PDE4B: variants seen among roughly 807,000 people sequenced by gnomAD.
PDE4B encodes 3',5'-cyclic-AMP phosphodiesterase 4B.
PDE4B carries 20 observed loss-of-function variants against 82.2 expected under a neutral mutation model. That is an observed-to-expected ratio of 0.24 (90% CI 0.17 to 0.35). The LOEUF (loss-of-function observed/expected upper bound fraction) is 0.35, where lower values mean the gene tolerates loss of function less well. Ranked by LOEUF, PDE4B falls within the 10% of genes least tolerant of loss-of-function variation. The pLI is 1.00. For missense variants in PDE4B, 655 were observed against 907.2 expected (o/e 0.72, Z 3.57); for synonymous variants, 320 against 318.9 (o/e 1.00, Z -0.04).
chr1:66,128,395 G>T (rs1002215966), intron 3 of PDE4B, among the ~76,000 whole-genome samples: 1 of 152,172 alleles, frequency 6.6e-6, no homozygotes, highest in Non-Finnish European at 1.5e-5. Context: ...CAGAGTTGTT[G>T]CCATCGTCTC....
In PDE4B at chr1:66,061,832, G is replaced by A. The variant is rs72918278; in HGVS notation, c.281+142997G>A. Among the ~76,000 whole-genome samples the A allele has an allele frequency of 8.3e-3, 1,268 of 152,166 alleles. 16 individuals carry two copies. The highest frequency in any genetic ancestry group is 0.029 in the African/African-American group (1,185 of 41,544). On this transcript the variant is annotated intron_variant, in intron 3 of 16. Transcript: ENST00000341517. ...GAGGAGGTTAAAACCTAGATGATGGGTTGGTAGGTGTAGCAAACCATCATG... is the reference window on the plus strand; with the variant it reads ...GAGGAGGTTAAAACCTAGATGATGGATTGGTAGGTGTAGCAAACCATCATG...
At position 65,999,861 on chromosome 1, in the gene PDE4B, C is replaced by T. The variant is rs114650088; in HGVS notation, c.281+81026C>T. 7.5e-3 allele frequency among the ~76,000 whole-genome samples: 1,148 copies of T among 152,258 alleles called. 18 individuals carry two copies. The highest frequency in any genetic ancestry group is 0.027 in the African/African-American group (1,110 of 41,538). ...TATTCTATGAGCATTTTTCCTATAG[C>T]TTGATATGATGGAAATGGAAAGGAA... is the stretch of plus-strand genomic sequence containing the variant. On this transcript the variant is annotated intron_variant, in intron 3 of 16. Coordinates refer to ENST00000341517, the MANE Select transcript of PDE4B (RefSeq NM_002600.4).
chr1:65,890,376 A>G (rs1303641858), intron 1 of PDE4B, among the ~76,000 whole-genome samples: 1 of 152,030 alleles, frequency 6.6e-6, no homozygotes, highest in African/African-American at 2.4e-5. Flanking sequence ...TTTCCCCTAG[A>G]AACTGGGGAA....
At chr1:66,074,921 C>A (rs764494146) in intron 3 of PDE4B, among the ~76,000 whole-genome samples, 1 of 151,940 alleles carries the variant, frequency 6.6e-6, no homozygotes, top group African/African-American at 2.4e-5. Flanking sequence ...TTTTGGCTAT[C>A]GTGAATAGTT....
chr1:66,055,344 C>T (rs1328355411), intron 3 of PDE4B, among the ~76,000 whole-genome samples: 3 of 152,050 alleles, frequency 2.0e-5, no homozygotes, highest in African/African-American at 7.2e-5. Flanking sequence ...CCTTGAGCCT[C>T]GATTATCTTT....
chr1:66,090,661 G>GTGTGTGTA (rs1644999462), intron 3 of PDE4B, among the ~76,000 whole-genome samples: 2 of 119,160 alleles, frequency 1.7e-5, no homozygotes, highest in African/African-American at 6.8e-5. Flanking sequence ...ATATATGTAT[G>GTGTGTGTA]TATATATGTG....
chr1:66,365,677 CAGATTTGGAGATCCTG>C lies in PDE4B; in HGVS notation c.1296_1311del (p.Asp433LeufsTer30). 6.2e-7 allele frequency: 1 copy of C among 1,606,086 alleles called. No individual in the cohort carries two copies. Among genetic ancestry groups the C allele is most frequent in the South Asian group, 1.1e-5 (1 of 90,464 alleles). The stretch of plus-strand genomic sequence containing the variant: ...TTATTTGCCCGACAGGCTGTCTTCA[CAGATTTGGAGATCCTG>C]GCTGCCATTTTTGCAGCTGCCATCC... On this transcript the variant is annotated frameshift_variant, in exon 13 of 17. Coordinates refer to ENST00000341517, the MANE Select transcript of PDE4B (RefSeq NM_002600.4). LOFTEE classifies it high-confidence loss of function.
chr1:66,350,153 TGCCC>T (rs1429766718), intron 8 of PDE4B, among the ~76,000 whole-genome samples: 1 of 152,044 alleles, frequency 6.6e-6, no homozygotes, highest in African/African-American at 2.4e-5. Flanking sequence ...ACTTTCCTGA[TGCCC>T]GGGAATTCTT....
intron 3 of PDE4B, among the ~76,000 whole-genome samples, chr1:66,126,131 G>C (rs1357559774): frequency 6.6e-6 from 1 of 152,194 alleles, no homozygotes; most frequent in Non-Finnish European, 1.5e-5. Flanking sequence ...AGTGATAAAA[G>C]TTCAGGGATA....
chr1:65,794,586 T>C (rs1010548402), intron 1 of PDE4B, among the ~76,000 whole-genome samples: 2 of 152,204 alleles, frequency 1.3e-5, no homozygotes, highest in African/African-American at 4.8e-5. Flanking sequence ...CCTCATTTCT[T>C]GGTATCCCAA....
At chr1:66,032,088 A>G (rs1653808861) in intron 3 of PDE4B, among the ~76,000 whole-genome samples, 1 of 152,224 alleles carries the variant, frequency 6.6e-6, no homozygotes, top group Non-Finnish European at 1.5e-5. Context: ...TAGGCTTGTT[A>G]CCAACAGCAG....
chr1:66,286,886 A>T (rs571814419), intron 7 of PDE4B, among the ~76,000 whole-genome samples: 2 of 152,276 alleles, frequency 1.3e-5, no homozygotes, highest in South Asian at 4.1e-4. Context: ...AGAAAAGCTA[A>T]TGTATGCCCC....
chr1:66,008,786 T>C (rs1652301020), intron 3 of PDE4B, among the ~76,000 whole-genome samples: 2 of 152,074 alleles, frequency 1.3e-5, no homozygotes, highest in Admixed American at 1.3e-4. Flanking sequence ...ATTCCTTCAC[T>C]TGGCCTCCAG....
chr1:66,354,658 T>C, intron 8 of PDE4B: 4 of 1,396,438 alleles, frequency 2.9e-6, no homozygotes, highest in Non-Finnish European at 3.7e-6. Flanking sequence ...CTTGCAAGAA[T>C]GGAGTGCGAA....
At chr1:65,898,412 T>C (rs889867460) in intron 1 of PDE4B, among the ~76,000 whole-genome samples, 1 of 152,122 alleles carries the variant, frequency 6.6e-6, no homozygotes, top group Non-Finnish European at 1.5e-5. Context: ...CCAATGCTAA[T>C]GTCAAGAAGG....
intron 7 of PDE4B, among the ~76,000 whole-genome samples, chr1:66,294,070 G>T (rs1281661912): frequency 1.3e-5 from 2 of 152,162 alleles, no homozygotes; most frequent in Non-Finnish European, 2.9e-5. Context: ...GCCAGGTGTG[G>T]TGGCAGGTGC....
chr1:66,300,082 C>T (rs1259489384), intron 7 of PDE4B, among the ~76,000 whole-genome samples: 1 of 152,170 alleles, frequency 6.6e-6, no homozygotes, highest in East Asian at 1.9e-4. Flanking sequence ...CTCTGGTGTT[C>T]GTGTTTTTAC....
intron 3 of PDE4B, among the ~76,000 whole-genome samples, chr1:66,036,225 C>T (rs1404733711): frequency 1.3e-5 from 2 of 152,112 alleles, no homozygotes; most frequent in Admixed American, 1.3e-4. Flanking sequence ...TGGATATTAG[C>T]CCCTTATCCA....
Position 65,940,961 on chromosome 1 carries a change from T to G in PDE4B, c.281+22126T>G, listed in dbSNP as rs1428247885. ...TAATTTCATAGGCATAATCTCTTGA[T>G]GTACCCACCATATAGATTTAACAAA... is the stretch of plus-strand genomic sequence containing the variant. On this transcript the variant is annotated intron_variant, in intron 3 of 16. Coordinates refer to ENST00000341517, the MANE Select transcript of PDE4B (RefSeq NM_002600.4). Among the ~76,000 whole-genome samples, 5 of 152,188 alleles carry G rather than the reference T, an allele frequency of 3.3e-5. No individual in the cohort carries two copies. The South Asian group carries it at 8.3e-4, about 25-fold the overall frequency.
Sources: gnomAD v4.1 joint callset for allele counts (sites outside exome capture counted in the v4.1 genomes callset) on GRCh38, gnomAD v4.1.1 for gene constraint, MANE v1.5 for transcripts, NCBI Gene and HGNC (gene_info 2026-07-23, HGNC 2026-07-21) for gene names.